The following GALNT18 variants were observed in gnomAD, a reference collection of about 807,000 sequenced individuals.
GALNT18 encodes polypeptide N-acetylgalactosaminyltransferase 18, also known as GalNAc-transferase 18.
In GALNT18, 44 loss-of-function variants were observed where a neutral mutation model predicts 69.5. The observed-to-expected ratio is 0.63, with a 90% confidence interval of 0.50 to 0.81. GALNT18 has a LOEUF of 0.81. Among genes scored for constraint, GALNT18 ranks in the 40% least tolerant of loss-of-function variants. The pLI, the probability that GALNT18 is intolerant of heterozygous loss-of-function variation, is 0.00. For missense variants in GALNT18, 715 were observed against 810.0 expected, an observed-to-expected ratio of 0.88 and a Z score of 1.42; for synonymous variants, 364 against 318.2, an observed-to-expected ratio of 1.14 and a Z score of -1.53.
intron 1 of GALNT18, among the ~76,000 whole-genome samples, chr11:11,453,158 T>C (rs57735455): frequency 0.025 from 3,790 of 151,944 alleles, 155 homozygotes; most frequent in African/African-American, 0.087. Context: ...TCAGGGAAGG[T>C]GGAAGGAAAG....
rs2133957862 is a variant in GALNT18 at position 11,542,709 on chromosome 11, A to G, written c.235+78650T>C. Among the ~76,000 whole-genome samples, 1 of 152,288 alleles carries G rather than the reference A, an allele frequency of 6.6e-6. No individual in the cohort carries two copies. The highest frequency in any genetic ancestry group is 2.1e-4 in the South Asian group (1 of 4,824). On this transcript the variant is annotated intron_variant, in intron 1 of 10. Coordinates refer to ENST00000227756, the MANE Select transcript of GALNT18 (RefSeq NM_198516.3). This position sits in a 1 kb window ranked among gnomAD's most constrained non-coding sequence, Gnocchi z 4.3. ...TTGGTCACCTCTCTGCGTGTATCAC[A>G]TTTGTGTAAAGCAAATTTCAGTTTG... is the stretch of plus-strand genomic sequence containing the variant.
At chr11:11,581,012 G>A (rs545562695) in intron 1 of GALNT18, among the ~76,000 whole-genome samples, 7 of 152,374 alleles carry the variant, frequency 4.6e-5, no homozygotes, top group African/African-American at 1.2e-4. Flanking sequence ...AGCTCCCTGC[G>A]GCCGTTGGAA....
intron 1 of GALNT18, among the ~76,000 whole-genome samples, chr11:11,607,298 A>G (rs1016149127): frequency 1.3e-5 from 2 of 152,264 alleles, no homozygotes; most frequent in African/African-American, 4.8e-5. Flanking sequence ...TGTTTCATTA[A>G]AGACGAGTAT....
At chr11:11,364,329 T>C (rs995569110) in intron 6 of GALNT18, among the ~76,000 whole-genome samples, 5 of 152,220 alleles carry the variant, frequency 3.3e-5, no homozygotes, top group Admixed American at 3.3e-4. Flanking sequence ...GGAACACAAG[T>C]AGACATCGTG....
chr11:11,291,019 C>T (rs1261024836), intron 10 of GALNT18, among the ~76,000 whole-genome samples: 2 of 152,216 alleles, frequency 1.3e-5, no homozygotes, highest in Non-Finnish European at 1.5e-5. Context: ...GGGCATATAC[C>T]TAACTGTCCT....
chr11:11,367,472 G>T (rs61872153), intron 6 of GALNT18, among the ~76,000 whole-genome samples: 1 of 152,150 alleles, frequency 6.6e-6, no homozygotes, highest in African/African-American at 2.4e-5. Context: ...AGGCCTTTCT[G>T]GGAGACTCTC....
intron 1 of GALNT18, among the ~76,000 whole-genome samples, chr11:11,453,315 C>T (rs1171772647): frequency 1.3e-5 from 2 of 152,170 alleles, no homozygotes; most frequent in Non-Finnish European, 1.5e-5. Context: ...ACCTGCAAGG[C>T]CCAGCACTCA....
At chr11:11,492,049 T>C (rs373056141) in intron 1 of GALNT18, among the ~76,000 whole-genome samples, 19 of 152,308 alleles carry the variant, frequency 1.2e-4, no homozygotes, top group African/African-American at 4.6e-4. Flanking sequence ...GGATGCTGTT[T>C]TATTGGCCCA....
chr11:11,580,624 G>A (rs1318646343), intron 1 of GALNT18, among the ~76,000 whole-genome samples: 1 of 152,264 alleles, frequency 6.6e-6, no homozygotes, highest in Non-Finnish European at 1.5e-5. Context: ...GATGGGCACT[G>A]CCCATGCAGA....
intron 1 of GALNT18, among the ~76,000 whole-genome samples, chr11:11,581,314 T>C (rs1184141485): frequency 6.6e-6 from 1 of 152,198 alleles, no homozygotes; most frequent in Admixed American, 6.5e-5. Context: ...CTGTGGCCAA[T>C]GTGACAGATT....
intron 6 of GALNT18, among the ~76,000 whole-genome samples, chr11:11,364,776 C>A (rs948006638): frequency 6.6e-6 from 1 of 152,042 alleles, no homozygotes; most frequent in Non-Finnish European, 1.5e-5. Context: ...CTTTAAAAGT[C>A]CTTATCTATT....
In GALNT18 at chr11:11,562,685, A is replaced by G. The variant is rs1042486953; in HGVS notation, c.235+58674T>C. Among the ~76,000 whole-genome samples, 18 of 152,202 alleles carry G rather than the reference A, an allele frequency of 1.2e-4. No homozygotes were observed. The highest frequency in any genetic ancestry group is 4.3e-4 in the African/African-American group (18 of 41,446). On this transcript the variant is annotated intron_variant, in intron 1 of 10. Coordinates refer to ENST00000227756, the MANE Select transcript of GALNT18 (RefSeq NM_198516.3). This position sits in a 1 kb window ranked among gnomAD's most constrained non-coding sequence, Gnocchi z 4.1. ...AGCAAGTCAGCAGAGGAGCAAACAA[A>G]GTATTACATATTATGAAATTCCGTA...
At chr11:11,412,457 G>A (rs184580999) in intron 3 of GALNT18, among the ~76,000 whole-genome samples, 29 of 152,228 alleles carry the variant, frequency 1.9e-4, no homozygotes, top group African/African-American at 6.3e-4. Flanking sequence ...TCACACAGGT[G>A]CTCTGTCCAT....
intron 1 of GALNT18, among the ~76,000 whole-genome samples, chr11:11,491,864 T>C (rs1856777339): frequency 6.6e-6 from 1 of 152,098 alleles, no homozygotes; most frequent in African/African-American, 2.4e-5. Flanking sequence ...ACAATCTCAC[T>C]TGGCATCCAC....
chr11:11,572,608 G>A (rs1858819203), intron 1 of GALNT18, among the ~76,000 whole-genome samples: 1 of 152,138 alleles, frequency 6.6e-6, no homozygotes, highest in South Asian at 2.1e-4. Context: ...TTCCTGCTAT[G>A]TCCCTCTCTG....
rs933410766 is a variant in GALNT18, at chr11:11,404,617, G to A, written c.596-25353C>T. Among the ~76,000 whole-genome samples, 7 of 152,216 alleles carry A rather than the reference G, an allele frequency of 4.6e-5. No individual in the cohort carries two copies. Among genetic ancestry groups the A allele is most frequent in the East Asian group, 1.9e-4 (1 of 5,174 alleles). ...ACCTAAGCCCTCCGCCCCACCCTGCGTTCTGGAATTCCTCTCAAGCTTTAC... is the reference window on the plus strand; with the variant it reads ...ACCTAAGCCCTCCGCCCCACCCTGCATTCTGGAATTCCTCTCAAGCTTTAC... On this transcript the variant is annotated intron_variant, in intron 3 of 10. Coordinates refer to ENST00000227756, the MANE Select transcript of GALNT18 (RefSeq NM_198516.3). This position sits in a 1 kb window ranked among gnomAD's most constrained non-coding sequence, Gnocchi z 4.5.
At chr11:11,277,391 C>G (rs1025352286) in intron 10 of GALNT18, among the ~76,000 whole-genome samples, 8 of 151,826 alleles carry the variant, frequency 5.3e-5, no homozygotes, top group African/African-American at 1.7e-4. Context: ...CTATTTGATT[C>G]TTCTCTTTTT....
At chr11:11,492,562 C>T (rs562394422) in intron 1 of GALNT18, among the ~76,000 whole-genome samples, 1 of 152,240 alleles carries the variant, frequency 6.6e-6, no homozygotes, top group South Asian at 2.1e-4. Context: ...GAATATTGTG[C>T]AGCCATAAAA....
chr11:11,610,402 C>T (rs1026915034), intron 1 of GALNT18, among the ~76,000 whole-genome samples: 1 of 152,178 alleles, frequency 6.6e-6, no homozygotes, highest in East Asian at 1.9e-4. Flanking sequence ...ATCCCACAGG[C>T]CTGCTTATGC....
Sources: allele counts gnomAD v4.1 joint callset (sites outside exome capture counted in the v4.1 genomes callset), GRCh38; gene constraint gnomAD v4.1.1; non-coding constraint Gnocchi (gnomAD v3.1); transcripts MANE v1.5; gene names NCBI Gene and HGNC (gene_info 2026-07-23, HGNC 2026-07-21).